KIF13B: variants seen among roughly 807,000 people sequenced by gnomAD.
KIF13B encodes kinesin-like protein KIF13B.
KIF13B carries 127 observed loss-of-function variants against 222.0 expected under a neutral mutation model. That is an observed-to-expected ratio of 0.57 (90% CI 0.50 to 0.66). KIF13B has a LOEUF of 0.66. KIF13B is among the 30% of genes least tolerant of loss of function. The probability of loss-of-function intolerance (pLI) is 0.00; values close to 1 mark genes in which losing one functional copy is unlikely to be tolerated. For synonymous variants in KIF13B, 976 were observed against 919.0 expected (o/e 1.06, Z -1.12); for missense variants, 2,173 against 2,379.0 (o/e 0.91, Z 1.80).
In KIF13B at chr8:29,092,882, C is replaced by T; in HGVS notation, c.4325-4G>A. ...GATGCTGCAAGGTTACTGAGTCCTG[C>T]CCATATTACAGGGGAAAAAGATAAA... On this transcript the variant is annotated splice_polypyrimidine_tract_variant and splice_region_variant and intron_variant, in intron 36 of 39. Coordinates refer to ENST00000524189, the MANE Select transcript of KIF13B (RefSeq NM_015254.4). 3 of 1,603,432 alleles carry T rather than the reference C, an allele frequency of 1.9e-6. No individual in the cohort carries two copies. Among genetic ancestry groups the T allele is most frequent in the Non-Finnish European group, 2.6e-6 (3 of 1,175,022 alleles).
At chr8:29,206,173 C>T (rs1269337253) in intron 2 of KIF13B, among the ~76,000 whole-genome samples, 2 of 152,042 alleles carry the variant, frequency 1.3e-5, no homozygotes, top group East Asian at 1.9e-4. Context: ...GTCTGTAATC[C>T]CAGCACTTTC....
At position 29,160,916 on chromosome 8, in the gene KIF13B, G is replaced by A. The variant is rs746828687; in HGVS notation, c.1270-49C>T. On this transcript the variant is annotated intron_variant, in intron 12 of 39. Coordinates refer to ENST00000524189, the MANE Select transcript of KIF13B (RefSeq NM_015254.4). ...TTAATTTCACAGCTATTGAGGCAGT[G>A]AGATATCCAAGCGTTTACATTACAA... 17 of 1,539,020 alleles carry A rather than the reference G, an allele frequency of 1.1e-5. No individual in the cohort carries two copies. In the Admixed American group the frequency reaches 2.1e-4, roughly 19 times the overall value.
At chr8:29,166,754 T>C (rs1030947430) in intron 11 of KIF13B, among the ~76,000 whole-genome samples, 4 of 151,594 alleles carry the variant, frequency 2.6e-5, no homozygotes, top group Admixed American at 2.6e-4. Flanking sequence ...TTCATTCCAC[T>C]TTCCCAAGAA....
At chr8:29,136,806 T>TG (rs1478334331) in intron 21 of KIF13B, among the ~76,000 whole-genome samples, 2 of 145,960 alleles carry the variant, frequency 1.4e-5, no homozygotes, top group African/African-American at 5.1e-5. Context: ...TTTTTTTTTT[T>TG]TTTTTTTTTT....
intron 21 of KIF13B, among the ~76,000 whole-genome samples, chr8:29,138,212 G>T (rs1810649685): frequency 6.6e-6 from 1 of 152,080 alleles, no homozygotes; most frequent in Non-Finnish European, 1.5e-5. Context: ...AGCTGGGCAT[G>T]GTGGCACAGC....
chr8:29,196,904 A>G (rs1813446404), intron 2 of KIF13B, among the ~76,000 whole-genome samples: 1 of 151,990 alleles, frequency 6.6e-6, no homozygotes, highest in Non-Finnish European at 1.5e-5. Flanking sequence ...AGCATTTTGG[A>G]TTTTCTATGT....
chr8:29,177,370 A>T, intron 9 of KIF13B, 96 bp downstream of exon 9: 1 of 923,162 alleles, frequency 1.1e-6, no homozygotes, highest in Non-Finnish European at 1.7e-6. Context: ...ACCAGAAAAA[A>T]ATTTCAAATC....
chr8:29,096,293 CTTTTTTTT>C (rs61008499), intron 36 of KIF13B, among the ~76,000 whole-genome samples: 10 of 76,692 alleles, frequency 1.3e-4, no homozygotes, highest in Admixed American at 9.5e-4. Flanking sequence ...CCAAGCTTTT[CTTTTTTTT>C]TTTTTTTTTT....
At chr8:29,134,625 C>T (rs1810480510) in intron 21 of KIF13B, among the ~76,000 whole-genome samples, 2 of 152,042 alleles carry the variant, frequency 1.3e-5, no homozygotes, top group African/African-American at 4.8e-5. Flanking sequence ...AGAACAAAAT[C>T]GGTGTATGGG....
rs757062041 is a variant in KIF13B, at chr8:29,148,638, T to A, written c.1752A>T (p.Glu584Asp). ...GTGCGTATTCGTAATTAAAGTTAAC[T>A]TCACTGGACACCTCGCTGGAGGAGT... ...DGDSSSEVSS[E>D]VNFNYEYAQM... is the part of the protein sequence containing the mutation. Residue 584 changes from glutamate to aspartate, a missense_variant, in exon 16 of 40, where the codon GAA (glutamate) becomes GAT (aspartate). This residue lies in a region of KIF13B where 1,480 missense variants were observed against 1,722.8 expected (regional missense o/e 0.86). Coordinates refer to ENST00000524189, the MANE Select transcript of KIF13B (RefSeq NM_015254.4). 8 of 1,612,836 alleles carry A rather than the reference T, an allele frequency of 5.0e-6. No homozygotes were observed. Among genetic ancestry groups the A allele is most frequent in the Non-Finnish European group, 6.8e-6 (8 of 1,179,492 alleles).
intron 2 of KIF13B, among the ~76,000 whole-genome samples, chr8:29,208,846 C>T (rs1311069713): frequency 6.6e-6 from 1 of 152,124 alleles, no homozygotes; most frequent in Non-Finnish European, 1.5e-5. Flanking sequence ...GCTTCCAGCT[C>T]CCCCAGGCCA....
chr8:29,103,519 T>C (rs555365857), intron 35 of KIF13B, among the ~76,000 whole-genome samples: 3 of 152,036 alleles, frequency 2.0e-5, no homozygotes, highest in Non-Finnish European at 4.4e-5. Flanking sequence ...CCATCAGGGA[T>C]CATATTTTAT....
rs375476627 is a variant in KIF13B, at chr8:29,165,706, C to T, written c.1225G>A (p.Val409Met). The change falls in exon 12 of 40, where the codon GTG (valine) becomes ATG (methionine). Residue 409 changes from valine (V) to methionine (M), a missense_variant. By Grantham distance (21) the Val-to-Met change is conservative. This residue lies in a region of KIF13B where 1,480 missense variants were observed against 1,722.8 expected (regional missense o/e 0.86). Transcript: ENST00000524189. ...ESEKLIQEMTVTWEEKLRKTE... is the reference protein window; with the variant it reads ...ESEKLIQEMTMTWEEKLRKTE... ...TTCCTTAATTTCTCCTCCCAGGTCA[C>T]AGTCATTTCCTGGATTAGCTTCTCA... 3.1e-6 allele frequency: 5 copies of T among 1,613,628 alleles called. No homozygotes were observed. The African/African-American group carries it at 5.3e-5, about 17-fold the overall frequency.
At chr8:29,189,942 G>A (rs962857911) in intron 4 of KIF13B, 1 of 152,232 alleles carries the variant, frequency 6.6e-6, no homozygotes, top group African/African-American at 2.4e-5. Flanking sequence ...AACTCTAATA[G>A]CAAACACGGG....
intron 1 of KIF13B, among the ~76,000 whole-genome samples, chr8:29,257,987 T>C (rs932931502): frequency 2.0e-5 from 3 of 152,220 alleles, no homozygotes; most frequent in Non-Finnish European, 4.4e-5. Context: ...GTAATACATG[T>C]GTGTCTCATT....
Position 29,075,209 on chromosome 8 carries a change from C to G in KIF13B, c.4521+72G>C, listed in dbSNP as rs1475810619. 4 of 1,217,978 alleles carry G rather than the reference C, an allele frequency of 3.3e-6. No homozygotes were observed. The African/African-American group carries it at 6.0e-5, about 18-fold the overall frequency. The allele number at this position is 1,217,978 out of a possible 1,614,324, so 75.4% of individuals were successfully genotyped here. On this transcript the variant is annotated intron_variant, in intron 38 of 39. Coordinates refer to ENST00000524189, the MANE Select transcript of KIF13B (RefSeq NM_015254.4). ...TAACATCAAAAACTGTGGGTGTGGA[C>G]TCAACAGTTTCGGCATCAGGGCCAC...
chr8:29,092,453 A>G (rs1407928542), intron 37 of KIF13B, among the ~76,000 whole-genome samples: 1 of 152,264 alleles, frequency 6.6e-6, no homozygotes, highest in Non-Finnish European at 1.5e-5. Flanking sequence ...AAACAATGCT[A>G]AGTGCACTTC....
At chr8:29,155,630 G>C (rs933738534) in intron 14 of KIF13B, 96 bp downstream of exon 14, 42 of 1,046,262 alleles carry the variant, frequency 4.0e-5, no homozygotes, top group Non-Finnish European at 5.0e-5. Flanking sequence ...TACTTAATGT[G>C]GTCAACTTAA....
rs1477699621 is a variant in KIF13B, at chr8:29,147,424, A to G, written c.1992T>C (p.Ala664=). ...MDRFSFHSPS[A]QQRLRQWAEE... ...CAGCCCACTGTCTTAAGCGTTGCTG[A>G]GCGCTGGGCGAGTGGAAAGAAAACC... is the stretch of plus-strand genomic sequence containing the variant. Residue 664 remains alanine (A), a synonymous_variant, in exon 17 of 40, where the codon GCT becomes GCC. Coordinates refer to ENST00000524189, the MANE Select transcript of KIF13B (RefSeq NM_015254.4). 4 of 1,610,134 alleles carry G rather than the reference A, an allele frequency of 2.5e-6. No homozygotes were observed. The highest frequency in any genetic ancestry group is 3.4e-6 in the Non-Finnish European group (4 of 1,178,320).
Sources: allele counts gnomAD v4.1 joint callset (sites outside exome capture counted in the v4.1 genomes callset), GRCh38; gene constraint gnomAD v4.1.1; regional missense constraint gnomAD v4.1.1; transcripts MANE v1.5; gene names NCBI Gene and HGNC (gene_info 2026-07-23, HGNC 2026-07-21).